Variants in PIAS2 observed in about 807,000 individuals in gnomAD.
The protein encoded by PIAS2 is E3 SUMO-protein ligase PIAS2.
In PIAS2, 19 loss-of-function variants were observed where a neutral mutation model predicts 69.7. The observed-to-expected ratio is 0.27, with a 90% CI of 0.19 to 0.40. The LOEUF (loss-of-function observed/expected upper bound fraction) is 0.40, where lower values mean the gene tolerates loss of function less well. Among genes scored for constraint, PIAS2 ranks in the 10% least tolerant of loss-of-function variants. The pLI is 1.00. For synonymous variants in PIAS2, 261 were observed against 263.2 expected (o/e 0.99, Z 0.08); for missense variants, 624 against 757.0 (o/e 0.82, Z 2.06).
chr18:46,902,560 C>A (rs1234795362), intron 1 of PIAS2, among the ~76,000 whole-genome samples: 2 of 145,114 alleles, frequency 1.4e-5, no homozygotes, highest in Non-Finnish European at 3.0e-5. Context: ...AACTCTGTCT[C>A]AAAAAAAAAA....
In PIAS2 at chr18:46,836,351, A is replaced by T. The variant is rs759413877; in HGVS notation, c.1202+6T>A. On this transcript the variant is annotated splice_donor_region_variant and intron_variant, in intron 9 of 13. Transcript: ENST00000585916. ...CCATATCAGCTGTTAAAAGGGATAT[A>T]CTTACCCATCTAATATTAGACTTTC... The T allele has an allele frequency of 6.2e-7, 1 of 1,612,482 alleles. No individual in the cohort carries two copies.
intron 2 of PIAS2, among the ~76,000 whole-genome samples, chr18:46,864,970 C>T (rs1194146539): frequency 1.3e-5 from 2 of 152,044 alleles, no homozygotes; most frequent in Non-Finnish European, 2.9e-5. Context: ...TTACACAAAA[C>T]ACTCATATAA....
chr18:46,917,565 C>G, upstream of PIAS2: 1 of 1,101,102 alleles, frequency 9.1e-7, no homozygotes, highest in Non-Finnish European at 1.1e-6. Context: ...GCGGTGCCCC[C>G]TGCCCACCCG....
At chr18:46,873,775 C>T (rs1342361260) in intron 2 of PIAS2, among the ~76,000 whole-genome samples, 1 of 152,122 alleles carries the variant, frequency 6.6e-6, no homozygotes, top group Non-Finnish European at 1.5e-5. Context: ...TCCCAGGACA[C>T]CAGAAAAATC....
intron 1 of PIAS2, among the ~76,000 whole-genome samples, chr18:46,913,431 T>C (rs1432843941): frequency 6.6e-6 from 1 of 152,162 alleles, no homozygotes; most frequent in Non-Finnish European, 1.5e-5. Context: ...AAAGTTATCA[T>C]CGCTGGCTCT....
At chr18:46,868,480 AACAG>A (rs2049834067) in intron 2 of PIAS2, among the ~76,000 whole-genome samples, 1 of 152,130 alleles carries the variant, frequency 6.6e-6, no homozygotes, top group South Asian at 2.1e-4. Context: ...CTTGTACTGT[AACAG>A]ACAGCCTCTC....
At chr18:46,828,311 T>C (rs185297103) in intron 10 of PIAS2, among the ~76,000 whole-genome samples, 181 bp from the exon 11 acceptor site, 30 of 152,334 alleles carry the variant, frequency 2.0e-4, no homozygotes, top group African/African-American at 6.5e-4. Context: ...TGTAAAATGG[T>C]TGTTCACCTA....
intron 1 of PIAS2, among the ~76,000 whole-genome samples, chr18:46,898,611 TA>T (rs1027638882): frequency 2.0e-5 from 3 of 152,032 alleles, no homozygotes; most frequent in African/African-American, 7.2e-5. Flanking sequence ...AAAAGAGTAT[TA>T]AAAAAACCGA....
intron 1 of PIAS2, among the ~76,000 whole-genome samples, chr18:46,896,477 G>C (rs116146720): frequency 2.4e-3 from 362 of 152,284 alleles, no homozygotes; most frequent in African/African-American, 8.3e-3. Flanking sequence ...AGCTTTCAAG[G>C]AAAGGATGGA....
intron 8 of PIAS2, among the ~76,000 whole-genome samples, chr18:46,840,364 T>C (rs1401064150): frequency 6.6e-6 from 1 of 152,162 alleles, no homozygotes; most frequent in Non-Finnish European, 1.5e-5. Flanking sequence ...TTTATGCTCC[T>C]AAGAGAAAAA....
intron 1 of PIAS2, among the ~76,000 whole-genome samples, chr18:46,913,540 A>G (rs2057484180): frequency 6.6e-6 from 1 of 151,882 alleles, no homozygotes; most frequent in Non-Finnish European, 1.5e-5. Flanking sequence ...AAGGGGATGA[A>G]GAATACAGAA....
chr18:46,887,262 A>G (rs2053365540), intron 2 of PIAS2, among the ~76,000 whole-genome samples: 2 of 151,452 alleles, frequency 1.3e-5, no homozygotes, highest in Non-Finnish European at 3.0e-5. Context: ...AAAAATTGAA[A>G]AAAAAAAAAA....
At chr18:46,866,935 C>A (rs1178495016) in intron 2 of PIAS2, among the ~76,000 whole-genome samples, 1 of 152,206 alleles carries the variant, frequency 6.6e-6, no homozygotes, top group East Asian at 1.9e-4. Context: ...GTATTTGAGG[C>A]TCTGTCTGAA....
intron 2 of PIAS2, among the ~76,000 whole-genome samples, chr18:46,873,891 T>A (rs937100474): frequency 6.6e-6 from 1 of 152,132 alleles, no homozygotes; most frequent in African/African-American, 2.4e-5. Flanking sequence ...TTTCTCCCCC[T>A]ACCGCCATTC....
At chr18:46,892,614 A>T (rs2054232655) in intron 1 of PIAS2, among the ~76,000 whole-genome samples, 1 of 151,982 alleles carries the variant, frequency 6.6e-6, no homozygotes, top group Non-Finnish European at 1.5e-5. Context: ...CTCCACAAAA[A>T]TTTAAAAATT....
intron 2 of PIAS2, among the ~76,000 whole-genome samples, chr18:46,873,327 G>C (rs2050656931): frequency 6.6e-6 from 1 of 152,166 alleles, no homozygotes; most frequent in Admixed American, 6.5e-5. Context: ...AAAAGGCCCT[G>C]GGCGTAAATG....
rs1325527985 is a variant in PIAS2, at chr18:46,844,832, G to C, written c.869C>G (p.Ser290Cys). The change falls in exon 7 of 14, where the codon TCT becomes TGT. Residue 290 changes from serine to cysteine, a missense_variant. By Grantham distance (112) the Ser-to-Cys change is moderately radical. This residue lies in a region of PIAS2 where 339 missense variants were observed against 408.8 expected (regional missense o/e 0.83). Coordinates refer to ENST00000585916, the MANE Select transcript of PIAS2 (RefSeq NM_004671.5). Reference protein sequence around the residue: ...SWASEIGKNYSMSVYLVRQLT... With the variant: ...SWASEIGKNYCMSVYLVRQLT... ...CTGCCGTACAAGATATACAGACATA[G>C]AGTAATTCTACAAACAAACAAAAAA... is the stretch of plus-strand genomic sequence containing the variant. 7.1e-7 allele frequency: 1 copy of C among 1,405,074 alleles called. No individual in the cohort carries two copies. Among genetic ancestry groups the C allele is most frequent in the Non-Finnish European group, 9.5e-7 (1 of 1,054,320 alleles). The allele number at this position is 1,405,074 out of a possible 1,614,324, so 87.0% of individuals were successfully genotyped here.
At chr18:46,866,272 C>G (rs2049440147) in intron 2 of PIAS2, among the ~76,000 whole-genome samples, 1 of 152,120 alleles carries the variant, frequency 6.6e-6, no homozygotes, top group Non-Finnish European at 1.5e-5. Flanking sequence ...CATAGTCATA[C>G]TATTGATTAT....
In PIAS2 at chr18:46,812,054, A is replaced by T. The variant is rs2041035210; in HGVS notation, c.*379T>A. 6.4e-6 allele frequency: 1 copy of T among 156,160 alleles called. No individual in the cohort carries two copies. Among genetic ancestry groups the T allele is most frequent in the Admixed American group, 6.3e-5 (1 of 15,806 alleles). The allele number at this position is 156,160 out of a possible 1,614,324, so 9.7% of individuals were successfully genotyped here. On this transcript the variant is annotated 3_prime_UTR_variant, in exon 14 of 14. Coordinates refer to ENST00000585916, the MANE Select transcript of PIAS2 (RefSeq NM_004671.5). ...CTGTCATTCTAGAATCAGTGATTAC[A>T]ATTTTTTTTTTAATTAGAAAAAAGG...
Sources: allele counts gnomAD v4.1 joint callset (sites outside exome capture counted in the v4.1 genomes callset), GRCh38; gene constraint gnomAD v4.1.1; regional missense constraint gnomAD v4.1.1; transcripts MANE v1.5; gene names NCBI Gene and HGNC (gene_info 2026-07-23, HGNC 2026-07-21).